PIEZO2: variants seen among roughly 807,000 people sequenced by gnomAD.
The protein encoded by PIEZO2 is piezo type mechanosensitive ion channel component 2.
Under a neutral mutation model 337.3 loss-of-function variants are expected in PIEZO2, and 172 were observed. The ratio of observed to expected loss-of-function variants is 0.51; its 90% CI spans 0.45 to 0.58. The LOEUF is 0.58. Among genes scored for constraint, PIEZO2 ranks in the 20% least tolerant of loss-of-function variants. PIEZO2 has a pLI of 0.00. For synonymous variants in PIEZO2, 1,251 were observed against 1,228.5 expected (o/e 1.02, Z -0.38); for missense variants, 3,028 against 3,391.3 (o/e 0.89, Z 2.66).
At position 10,716,842 on chromosome 18, in the gene PIEZO2, C is replaced by T. The variant is rs1598393560; in HGVS notation, c.5090-1026G>A. On this transcript the variant is annotated intron_variant, in intron 37 of 55. Transcript: ENST00000674853. The surrounding 1 kb of genome is among the most constrained non-coding windows in gnomAD (Gnocchi z 4.1). ...ATTTTCGACATGTATTTTCTCATAC[C>T]CACAATTGTTTTCTTAGAAATGATG... 6.6e-6 allele frequency among the ~76,000 whole-genome samples: 1 copy of T among 151,912 alleles called. No homozygotes were observed.
Position 11,010,734 on chromosome 18 carries a change from C to A in PIEZO2, c.161-31074G>T, listed in dbSNP as rs185611767. On this transcript the variant is annotated intron_variant, in intron 2 of 55. Transcript: ENST00000674853. ...GGGGTCATTAAATAATAAAAGAATCCGAGTATATCAAGCCATTACTTTGCC... is the reference window on the plus strand; with the variant it reads ...GGGGTCATTAAATAATAAAAGAATCAGAGTATATCAAGCCATTACTTTGCC... Among the ~76,000 whole-genome samples, 10 of 152,172 alleles carry A rather than the reference C, an allele frequency of 6.6e-5. No individual in the cohort carries two copies. The East Asian group carries it at 1.9e-3, about 29-fold the overall frequency.
At position 10,852,004 on chromosome 18, in the gene PIEZO2, G is replaced by A. The variant is rs140269542; in HGVS notation, c.917+3349C>T. On this transcript the variant is annotated intron_variant, in intron 7 of 55. Coordinates refer to ENST00000674853, the MANE Select transcript of PIEZO2 (RefSeq NM_001378183.1). Reference sequence around the variant, plus strand: ...AACCAAAAAACTTCTGCCCTACAGAGGATATTTACATTTTCAATTAAGTCA... The same window carrying A: ...AACCAAAAAACTTCTGCCCTACAGAAGATATTTACATTTTCAATTAAGTCA... Among the ~76,000 whole-genome samples, 510 of 152,118 alleles carry A rather than the reference G, an allele frequency of 3.4e-3. 3 individuals carry two copies. The highest frequency in any genetic ancestry group is 0.012 in the African/African-American group (488 of 41,476).
In PIEZO2 at chr18:10,894,200, C is replaced by T. The variant is rs2042831888; in HGVS notation, c.329+16986G>A. Among the ~76,000 whole-genome samples the T allele has an allele frequency of 6.6e-6, 1 of 152,118 alleles. No individual in the cohort carries two copies. Among genetic ancestry groups the T allele is most frequent in the South Asian group, 2.1e-4 (1 of 4,818 alleles). On this transcript the variant is annotated intron_variant, in intron 4 of 55. Coordinates refer to ENST00000674853, the MANE Select transcript of PIEZO2 (RefSeq NM_001378183.1). This position sits in a 1 kb window ranked among gnomAD's most constrained non-coding sequence, Gnocchi z 4.1. Reference sequence around the variant, plus strand: ...AAGTGCGGTGGCTCACACCTGTAATCCCAGCACTCTGGAAGGCCGATGGGG... The same window carrying T: ...AAGTGCGGTGGCTCACACCTGTAATTCCAGCACTCTGGAAGGCCGATGGGG...
intron 1 of PIEZO2, among the ~76,000 whole-genome samples, chr18:11,144,456 C>T (rs972702117): frequency 6.6e-6 from 1 of 152,142 alleles, no homozygotes; most frequent in Admixed American, 6.5e-5. Context: ...GAGGCCAATG[C>T]TGATCACATA....
At chr18:10,918,114 G>A (rs1262583876) in intron 3 of PIEZO2, among the ~76,000 whole-genome samples, 4 of 152,114 alleles carry the variant, frequency 2.6e-5, no homozygotes, top group Non-Finnish European at 4.4e-5. Context: ...TCTAATGGAT[G>A]ATATATACCC....
intron 15 of PIEZO2, among the ~76,000 whole-genome samples, chr18:10,788,832 T>G (rs988591001): frequency 6.6e-6 from 1 of 152,176 alleles, no homozygotes; most frequent in Non-Finnish European, 1.5e-5. Flanking sequence ...GCAGTCCTCC[T>G]CCCTTGCCTC....
intron 2 of PIEZO2, among the ~76,000 whole-genome samples, chr18:11,000,412 T>C (rs2035487639): frequency 6.6e-6 from 1 of 152,200 alleles, no homozygotes; most frequent in African/African-American, 2.4e-5. Flanking sequence ...TTAATAACTT[T>C]TAAAGGGCTG....
At chr18:10,735,580 G>T (rs1235946166) in intron 34 of PIEZO2, among the ~76,000 whole-genome samples, 1 of 152,150 alleles carries the variant, frequency 6.6e-6, no homozygotes, top group Non-Finnish European at 1.5e-5. Context: ...ATGAGTGGTG[G>T]TTAGAAGAAA....
At chr18:10,723,401 A>C (rs2036403514) in intron 36 of PIEZO2, among the ~76,000 whole-genome samples, 1 of 152,204 alleles carries the variant, frequency 6.6e-6, no homozygotes, top group South Asian at 2.1e-4. Context: ...TTAAGAGAGA[A>C]CGGGAAAGAA....
Position 10,781,641 on chromosome 18 carries a change from C to A in PIEZO2, c.2493-1275G>T, listed in dbSNP as rs1166339445. 1.3e-5 allele frequency among the ~76,000 whole-genome samples: 2 copies of A among 151,952 alleles called. No individual in the cohort carries two copies. Among genetic ancestry groups the A allele is most frequent in the Admixed American group, 6.6e-5 (1 of 15,258 alleles). ...ATTGCCTCCTTAGGAATAATAATTT[C>A]TTCCTATATTATTACATTTTCATAA... On this transcript the variant is annotated intron_variant, in intron 17 of 55. Coordinates refer to ENST00000674853, the MANE Select transcript of PIEZO2 (RefSeq NM_001378183.1). This position sits in a 1 kb window ranked among gnomAD's most constrained non-coding sequence, Gnocchi z 4.1.
Position 10,826,917 on chromosome 18 carries a change from T to C in PIEZO2, c.918-19643A>G, listed in dbSNP as rs74459777. On this transcript the variant is annotated intron_variant, in intron 7 of 55. Coordinates refer to ENST00000674853, the MANE Select transcript of PIEZO2 (RefSeq NM_001378183.1). ...ACCACTGATCTGTTTGCCATCTCTT[T>C]ATTCTTTTCCAAAAAGTCATACAAA... 8.7e-3 allele frequency among the ~76,000 whole-genome samples: 1,330 copies of C among 152,330 alleles called. 9 individuals are homozygous for C. The highest frequency in any genetic ancestry group is 0.013 in the Non-Finnish European group (906 of 68,030).
chr18:10,749,104 C>T (rs1598430033), intron 29 of PIEZO2, among the ~76,000 whole-genome samples: 1 of 152,108 alleles, frequency 6.6e-6, no homozygotes, highest in South Asian at 2.1e-4. Flanking sequence ...AAACAACGTC[C>T]CAGTGAGGCT....
At chr18:10,799,031 A>G (rs1207870528) in intron 11 of PIEZO2, among the ~76,000 whole-genome samples, 1 of 152,216 alleles carries the variant, frequency 6.6e-6, no homozygotes, top group Non-Finnish European at 1.5e-5. Flanking sequence ...GGAATGTCAG[A>G]TAATATGACT....
In PIEZO2 at chr18:10,724,761, C is replaced by T. The variant is rs949248458; in HGVS notation, c.5030-6502G>A. 66 of 1,561,772 alleles carry T rather than the reference C, an allele frequency of 4.2e-5. 1 individual carries two copies. In the Admixed American group the frequency reaches 1.1e-3, roughly 26 times the overall value. On this transcript the variant is annotated intron_variant, in intron 36 of 55. Transcript: ENST00000674853. The surrounding 1 kb of genome is among the most constrained non-coding windows in gnomAD (Gnocchi z 5.8). ...CCTGGTCTCAGTCCCTGGCCTTGCCCGTGGCTCTGGCAGTCCCCCCAGCAC... is the reference window on the plus strand; with the variant it reads ...CCTGGTCTCAGTCCCTGGCCTTGCCTGTGGCTCTGGCAGTCCCCCCAGCAC...
At position 11,007,141 on chromosome 18, in the gene PIEZO2, T is replaced by G. The variant is rs147048663; in HGVS notation, c.161-27481A>C. ...ATTTTATTCCTTCTATCTAACTGTATTTTTGTACCAGGGCTTCTATCATTT... is the reference window on the plus strand; with the variant it reads ...ATTTTATTCCTTCTATCTAACTGTAGTTTTGTACCAGGGCTTCTATCATTT... On this transcript the variant is annotated intron_variant, in intron 2 of 55. Coordinates refer to ENST00000674853, the MANE Select transcript of PIEZO2 (RefSeq NM_001378183.1). 9.7e-3 allele frequency among the ~76,000 whole-genome samples: 1,472 copies of G among 152,326 alleles called. 22 individuals are homozygous for G. The highest frequency in any genetic ancestry group is 0.068 in the Middle Eastern group (20 of 294).
At position 10,993,589 on chromosome 18, in the gene PIEZO2, C is replaced by T. The variant is rs373417174; in HGVS notation, c.161-13929G>A. 1.3e-5 allele frequency among the ~76,000 whole-genome samples: 2 copies of T among 152,058 alleles called. No individual in the cohort carries two copies. The highest frequency in any genetic ancestry group is 2.4e-5 in the African/African-American group (1 of 41,412). On this transcript the variant is annotated intron_variant, in intron 2 of 55. Transcript: ENST00000674853. This position sits in a 1 kb window ranked among gnomAD's most constrained non-coding sequence, Gnocchi z 5.0. ...TGGCCCAGGCTGGAGTACAGTGGCA[C>T]GATCTCGCCTCACTGCAACCTCCGC...
rs1226192011 is a variant in PIEZO2 at position 11,080,945 on chromosome 18, T to C, written c.65-14723A>G. On this transcript the variant is annotated intron_variant, in intron 1 of 55. Transcript: ENST00000674853. This position sits in a 1 kb window ranked among gnomAD's most constrained non-coding sequence, Gnocchi z 5.4. Reference sequence around the variant, plus strand: ...GTCAACGTCCAATAGCTTCACCAAATTGGTTATTCTGCAACATACCATCTG... The same window carrying C: ...GTCAACGTCCAATAGCTTCACCAAACTGGTTATTCTGCAACATACCATCTG... 1.3e-5 allele frequency among the ~76,000 whole-genome samples: 2 copies of C among 152,184 alleles called. No homozygotes were observed. The highest frequency in any genetic ancestry group is 2.9e-5 in the Non-Finnish European group (2 of 68,022).
At chr18:10,911,851 G>A (rs531422945) in intron 3 of PIEZO2, among the ~76,000 whole-genome samples, 5 of 152,086 alleles carry the variant, frequency 3.3e-5, no homozygotes, top group African/African-American at 7.2e-5. Context: ...ATTAGGCCAC[G>A]CCAATAATTC....
In PIEZO2 at chr18:10,945,037, A is replaced by T. The variant is rs745735620; in HGVS notation, c.287-33809T>A. ...AGCTAAGAATCCAGGGATGTCAAGA[A>T]TGCTACAGTTCACAGGAAAGAGTAT... is the stretch of plus-strand genomic sequence containing the variant. On this transcript the variant is annotated intron_variant, in intron 3 of 55. Coordinates refer to ENST00000674853, the MANE Select transcript of PIEZO2 (RefSeq NM_001378183.1). The surrounding 1 kb of genome is among the most constrained non-coding windows in gnomAD (Gnocchi z 4.0). Among the ~76,000 whole-genome samples the T allele has an allele frequency of 6.6e-6, 1 of 152,144 alleles. No homozygotes were observed. The highest frequency in any genetic ancestry group is 1.5e-5 in the Non-Finnish European group (1 of 68,032).
Sources: allele counts gnomAD v4.1 joint callset (sites outside exome capture counted in the v4.1 genomes callset), GRCh38; gene constraint gnomAD v4.1.1; non-coding constraint Gnocchi (gnomAD v3.1); transcripts MANE v1.5; gene names NCBI Gene and HGNC (gene_info 2026-07-23, HGNC 2026-07-21).